Variants in NAA25 observed in about 807,000 individuals in gnomAD.
The protein encoded by NAA25 is N-terminal acetyltransferase B complex subunit NAA25.
In NAA25, 30 loss-of-function variants were observed where a neutral mutation model predicts 132.5. The observed-to-expected ratio is 0.23, with a 90% CI of 0.17 to 0.31. The LOEUF (loss-of-function observed/expected upper bound fraction) is 0.31. Among genes scored for constraint, NAA25 ranks in the 10% least tolerant of loss-of-function variants. The probability of loss-of-function intolerance (pLI) is 1.00; values close to 1 mark genes in which losing one functional copy is unlikely to be tolerated. For missense variants in NAA25, 771 were observed against 1,150.4 expected, an observed-to-expected ratio of 0.67 and a Z score of 4.77; for synonymous variants, 359 against 401.9, an observed-to-expected ratio of 0.89 and a Z score of 1.28.
At chr12:112,074,456 A>G (rs1438325136) in intron 9 of NAA25, among the ~76,000 whole-genome samples, 1 of 152,010 alleles carries the variant, frequency 6.6e-6, no homozygotes, top group Non-Finnish European at 1.5e-5. Flanking sequence ...TTGGAATGGT[A>G]GGATAAGTGG....
chr12:112,090,602 A>T, intron 3 of NAA25, 124 bp downstream of exon 3: 1 of 880,194 alleles, frequency 1.1e-6, no homozygotes, highest in Non-Finnish European at 1.7e-6. Context: ...AACCCTGGCT[A>T]ATGCGTTATT....
At chr12:112,094,197 C>T (rs1330308109) in intron 1 of NAA25, among the ~76,000 whole-genome samples, 3 of 143,332 alleles carry the variant, frequency 2.1e-5, no homozygotes, top group Admixed American at 1.4e-4. Flanking sequence ...GCCAAGATGG[C>T]GCCACTGCAC....
rs2079160420 is a variant in NAA25 at position 112,093,107 on chromosome 12, C to T, written c.88G>A (p.Ala30Thr). ...DYLDNGNNKMAIQQADKLLKK... is the reference protein window; with the variant it reads ...DYLDNGNNKMTIQQADKLLKK... ...AACAGTTTATCTGCTTGCTGAATTG[C>T]CATTTTATTATTACCATTGTCAAGA... Residue 30 changes from alanine to threonine, a missense_variant, in exon 2 of 24, where the codon GCA becomes ACA. This residue lies in a region of NAA25 where 417 missense variants were observed against 733.8 expected (regional missense o/e 0.57). Coordinates refer to ENST00000261745, the MANE Select transcript of NAA25 (RefSeq NM_024953.4). 1 of 1,610,318 alleles carries T rather than the reference C, an allele frequency of 6.2e-7. No homozygotes were observed. The highest frequency in any genetic ancestry group is 8.5e-7 in the Non-Finnish European group (1 of 1,177,016).
chr12:112,053,273 T>C (rs1179071429), intron 15 of NAA25, among the ~76,000 whole-genome samples: 2 of 152,178 alleles, frequency 1.3e-5, no homozygotes, highest in African/African-American at 4.8e-5. Context: ...AAAAGTCTCT[T>C]AGAGATTAAA....
Position 112,027,159 on chromosome 12 carries a change from T to A in NAA25, c.*2372A>T, listed in dbSNP as rs1359053168. The A allele has an allele frequency of 6.6e-6, 1 of 152,532 alleles. No individual in the cohort carries two copies. The highest frequency in any genetic ancestry group is 2.4e-5 in the African/African-American group (1 of 41,430). The allele number at this position is 152,532 out of a possible 1,614,324, so 9.4% of individuals were successfully genotyped here. Reference sequence around the variant, plus strand: ...TCGTGATTTTTCTCCTTTCCTTTTTTAAATATCAGTTTACCACACAAAAAC... The same window carrying A: ...TCGTGATTTTTCTCCTTTCCTTTTTAAAATATCAGTTTACCACACAAAAAC... On this transcript the variant is annotated 3_prime_UTR_variant, in exon 24 of 24. Transcript: ENST00000261745.
rs747516649 is a variant in NAA25, at chr12:112,029,533, A to C, written c.2917T>G (p.Ter973GluextTer8). Residue 973 changes from the stop codon to glutamate, a stop_lost, in exon 24 of 24, where the codon TAA becomes GAA. Coordinates refer to ENST00000261745, the MANE Select transcript of NAA25 (RefSeq NM_024953.4). Reference protein sequence around the residue: ...RLETTKKLKI* With the variant: ...RLETTKKLKIE ...CAGTGCCCATGATAGATACTTCCTT[A>C]AATTTTTAGTTTCTTTGTGGTCTCA... 1 of 1,613,978 alleles carries C rather than the reference A, an allele frequency of 6.2e-7. No individual in the cohort carries two copies. Among genetic ancestry groups the C allele is most frequent in the East Asian group, 2.2e-5 (1 of 44,870 alleles).
intron 3 of NAA25, among the ~76,000 whole-genome samples, chr12:112,089,850 G>T (rs2079106751): frequency 6.6e-6 from 1 of 151,498 alleles, no homozygotes; most frequent in South Asian, 2.1e-4. Context: ...AAAATTAGCT[G>T]GGGATGGTGG....
At chr12:112,066,619 A>T (rs929806798) in intron 11 of NAA25, among the ~76,000 whole-genome samples, 1 of 152,184 alleles carries the variant, frequency 6.6e-6, no homozygotes, top group Non-Finnish European at 1.5e-5. Flanking sequence ...ATATGCTTTT[A>T]AATCCTCCTA....
intron 22 of NAA25, among the ~76,000 whole-genome samples, chr12:112,037,275 CATAT>C (rs57810657): frequency 0.077 from 4,981 of 64,386 alleles, 150 homozygotes; most frequent in Middle Eastern, 0.087. Flanking sequence ...TTAAAAAATA[CATAT>C]ATATATATAT....
intron 11 of NAA25, 81 bp from the exon 12 acceptor site, chr12:112,061,469 G>A: frequency 1.0e-6 from 1 of 1,004,044 alleles, no homozygotes; most frequent in Admixed American, 2.2e-5. Flanking sequence ...AAATTGAATG[G>A]TCTAGAAAAA....
In NAA25 at chr12:112,078,675, C is replaced by T. The variant is rs777920335; in HGVS notation, c.544G>A (p.Glu182Lys). The T allele has an allele frequency of 9.3e-6, 15 of 1,613,570 alleles. No homozygotes were observed. In the Admixed American group the frequency reaches 1.0e-4, roughly 11 times the overall value. The change falls in exon 6 of 24, where the codon GAA (glutamate) becomes AAA (lysine). Residue 182 changes from glutamate (E) to lysine (K), a missense_variant. Transcript: ENST00000261745. ...ATCTTGTCCTCTTTCACCATTTTTTCGACCATTCTCTCAGCAAGGGGCAGA... is the reference window on the plus strand; with the variant it reads ...ATCTTGTCCTCTTTCACCATTTTTTTGACCATTCTCTCAGCAAGGGGCAGA... ...MFLPLAERMV[E>K]KMVKEDKIEA... is the part of the protein sequence containing the mutation.
Position 112,043,886 on chromosome 12 carries a change from C to T in NAA25, c.2007-18G>A, listed in dbSNP as rs1242736159. On this transcript the variant is annotated intron_variant, in intron 17 of 23. Transcript: ENST00000261745. ...AAACGTCCCTTAAACAGAAACATCC[C>T]CAAATTATCTAACTTATTCAATATT... 2.5e-6 allele frequency: 4 copies of T among 1,604,444 alleles called. No individual in the cohort carries two copies. The highest frequency in any genetic ancestry group is 1.7e-5 in the Admixed American group (1 of 59,110).
rs112449124 is a variant in NAA25 at position 112,028,770 on chromosome 12, G to C, written c.*761C>G. ...CAAATGTATGAAAGACAGAAAGCTAGTCCTCAGCGGGCTTAATAAGTGGTC... is the reference window on the plus strand; with the variant it reads ...CAAATGTATGAAAGACAGAAAGCTACTCCTCAGCGGGCTTAATAAGTGGTC... On this transcript the variant is annotated 3_prime_UTR_variant, in exon 24 of 24. Transcript: ENST00000261745. The C allele has an allele frequency of 6.6e-6, 1 of 152,092 alleles. No individual in the cohort carries two copies. Among genetic ancestry groups the C allele is most frequent in the African/African-American group, 2.4e-5 (1 of 41,404 alleles). 9.4% of individuals were successfully genotyped at this position (152,092 alleles called of 1,614,324 possible).
At chr12:112,041,879 A>C (rs1236982146) in intron 20 of NAA25, among the ~76,000 whole-genome samples, 160 bp downstream of exon 20, 1 of 152,208 alleles carries the variant, frequency 6.6e-6, no homozygotes, top group East Asian at 1.9e-4. Context: ...TTTCATTCAC[A>C]CACATATGTG....
At chr12:112,090,679 A>T (rs2079115904) in intron 3 of NAA25, 47 bp downstream of exon 3, 1 of 1,594,848 alleles carries the variant, frequency 6.3e-7, no homozygotes, top group Non-Finnish European at 8.5e-7. Flanking sequence ...AGAAATATCC[A>T]AAATTTTCAG....
intron 17 of NAA25, among the ~76,000 whole-genome samples, 197 bp downstream of exon 17, chr12:112,047,468 G>A (rs2078404048): frequency 1.3e-5 from 2 of 152,064 alleles, no homozygotes; most frequent in African/African-American, 2.4e-5. Flanking sequence ...CAGACCTCAA[G>A]TGATCCACCG....
chr12:112,083,177 A>C (rs932437590), intron 4 of NAA25, among the ~76,000 whole-genome samples: 1 of 152,126 alleles, frequency 6.6e-6, no homozygotes, highest in Non-Finnish European at 1.5e-5. Context: ...ATAGAAAAGA[A>C]ACCTGGAAAG....
At chr12:112,042,613 T>C (rs1402393761) in intron 19 of NAA25, among the ~76,000 whole-genome samples, 2 of 152,146 alleles carry the variant, frequency 1.3e-5, no homozygotes, top group South Asian at 4.1e-4. Context: ...TTCAAGCGAT[T>C]CTCCTGCCTC....
At position 112,068,906 on chromosome 12, in the gene NAA25, G is replaced by A; in HGVS notation, c.1123C>T (p.Leu375Phe). The change falls in exon 11 of 24, where the codon CTC becomes TTC. Residue 375 changes from leucine (L) to phenylalanine (F), a missense_variant. Leu to Phe is a conservative substitution (Grantham distance 22). Around this residue, in one of 3 missense-constraint regions of NAA25, gnomAD observed 417 missense variants for 733.8 expected, o/e 0.57. Transcript: ENST00000261745. ...TTTGTACACTGTGTAGCAGGTAAGAGGTCAACAAACACCTTAAGGTCTGTA... is the reference window on the plus strand; with the variant it reads ...TTTGTACACTGTGTAGCAGGTAAGAAGTCAACAAACACCTTAAGGTCTGTA... ...CFTDLKVFVD[L>F]LPATQCTKFI... The A allele has an allele frequency of 6.2e-7, 1 of 1,611,368 alleles. No homozygotes were observed. The highest frequency in any genetic ancestry group is 8.5e-7 in the Non-Finnish European group (1 of 1,177,926).
Sources: allele counts gnomAD v4.1 joint callset (sites outside exome capture counted in the v4.1 genomes callset), GRCh38; gene constraint gnomAD v4.1.1; regional missense constraint gnomAD v4.1.1; transcripts MANE v1.5; gene names NCBI Gene and HGNC (gene_info 2026-07-23, HGNC 2026-07-21).